The following CTIF variants were observed in gnomAD, a reference collection of about 807,000 sequenced individuals.
CTIF encodes the protein CBP80/20-dependent translation initiation factor.
CTIF carries 21 observed loss-of-function variants against 66.0 expected under a neutral mutation model. The ratio of observed to expected loss-of-function variants is 0.32; its 90% confidence interval spans 0.23 to 0.46. The LOEUF is 0.46. Ranked by LOEUF, CTIF falls within the 20% of genes least tolerant of loss-of-function variation. The pLI, the probability that CTIF is intolerant of heterozygous loss-of-function variation, is 1.00. For missense variants in CTIF, 739 were observed against 812.7 expected, an observed-to-expected ratio of 0.91 and a Z score of 1.10; for synonymous variants, 345 against 326.4, an observed-to-expected ratio of 1.06 and a Z score of -0.62.
chr18:48,774,250 A>G (rs569213521), intron 9 of CTIF, among the ~76,000 whole-genome samples: 3 of 152,298 alleles, frequency 2.0e-5, no homozygotes, highest in Non-Finnish European at 4.4e-5. Context: ...CCCTCTGTCC[A>G]GGAGAGGCGG....
chr18:48,788,427 C>T (rs1055913150), intron 9 of CTIF, among the ~76,000 whole-genome samples: 2 of 152,150 alleles, frequency 1.3e-5, no homozygotes, highest in African/African-American at 2.4e-5. Context: ...GCCTTGGTTT[C>T]CTCACCTGTA....
intron 2 of CTIF, among the ~76,000 whole-genome samples, chr18:48,633,829 C>A (rs1371353447): frequency 6.6e-6 from 1 of 152,110 alleles, no homozygotes; most frequent in African/African-American, 2.4e-5. Flanking sequence ...TTATTTTAGA[C>A]TTATAGCCAA....
intron 3 of CTIF, among the ~76,000 whole-genome samples, chr18:48,646,993 G>T (rs1293608703): frequency 6.7e-6 from 1 of 148,482 alleles, no homozygotes; most frequent in East Asian, 2.0e-4. Context: ...CCAGAGCAAT[G>T]AAAACTTATG....
At chr18:48,644,650 C>T (rs777002618) in intron 3 of CTIF, among the ~76,000 whole-genome samples, 1 of 152,186 alleles carries the variant, frequency 6.6e-6, no homozygotes, top group Non-Finnish European at 1.5e-5. Flanking sequence ...TGGGTGCTTG[C>T]TGTATACATT....
At chr18:48,648,232 C>A (rs1568102801) in intron 3 of CTIF, among the ~76,000 whole-genome samples, 2 of 152,066 alleles carry the variant, frequency 1.3e-5, no homozygotes, top group South Asian at 4.1e-4. Context: ...CTCTCTCTGG[C>A]CTTTGGGTCT....
chr18:48,812,675 G>A (rs567939994), intron 9 of CTIF, among the ~76,000 whole-genome samples: 18 of 151,164 alleles, frequency 1.2e-4, no homozygotes, highest in East Asian at 3.9e-4. Context: ...GATCACTTGA[G>A]CCTAAGAGGT....
At chr18:48,709,483 G>C (rs151059355) in intron 6 of CTIF, among the ~76,000 whole-genome samples, 1 of 152,368 alleles carries the variant, frequency 6.6e-6, no homozygotes, top group Non-Finnish European at 1.5e-5. Flanking sequence ...CACCGAGGAG[G>C]CTGGCACCCC....
At chr18:48,575,315 G>A (rs1223231914) in intron 1 of CTIF, among the ~76,000 whole-genome samples, 3 of 152,234 alleles carry the variant, frequency 2.0e-5, no homozygotes, top group Admixed American at 2.0e-4. Flanking sequence ...ATGGCAACAC[G>A]GCCGAGTAAC....
intron 1 of CTIF, among the ~76,000 whole-genome samples, chr18:48,596,050 A>G (rs1255630604): frequency 1.3e-5 from 2 of 152,148 alleles, no homozygotes; most frequent in Non-Finnish European, 2.9e-5. Context: ...GTCATACTCT[A>G]TTTGTTAGAA....
intron 1 of CTIF, among the ~76,000 whole-genome samples, chr18:48,617,986 G>A (rs888478168): frequency 2.6e-5 from 4 of 152,230 alleles, no homozygotes; most frequent in Admixed American, 1.3e-4. Flanking sequence ...GGAAAGCAGA[G>A]GAAGATGTGT....
Position 48,761,846 on chromosome 18 carries a change from G to A in CTIF, c.1371+157G>A, listed in dbSNP as rs1381553365. On this transcript the variant is annotated intron_variant, in intron 9 of 11. Transcript: ENST00000256413. The surrounding 1 kb of genome is among the most constrained non-coding windows in gnomAD (Gnocchi z 4.2). ...TATAGAAAACACAAAGGCAGTTAAG[G>A]GGCCAGGAATGAGCGGCTGGATTTG... Among the ~76,000 whole-genome samples, 1 of 152,240 alleles carries A rather than the reference G, an allele frequency of 6.6e-6. No homozygotes were observed. The highest frequency in any genetic ancestry group is 1.5e-5 in the Non-Finnish European group (1 of 68,052).
chr18:48,804,158 A>G (rs894405305), intron 9 of CTIF, among the ~76,000 whole-genome samples: 10 of 152,176 alleles, frequency 6.6e-5, no homozygotes, highest in Non-Finnish European at 1.5e-4. Flanking sequence ...ACTTGGGGAA[A>G]GGTTCAAGTC....
At chr18:48,657,062 C>T (rs2091257191) in intron 3 of CTIF, among the ~76,000 whole-genome samples, 1 of 152,196 alleles carries the variant, frequency 6.6e-6, no homozygotes, top group Admixed American at 6.5e-5. Context: ...CCACGGTTCC[C>T]ACCATCGAAA....
At chr18:48,802,957 C>T (rs2068076048) in intron 9 of CTIF, among the ~76,000 whole-genome samples, 1 of 152,248 alleles carries the variant, frequency 6.6e-6, no homozygotes, top group African/African-American at 2.4e-5. Flanking sequence ...CTTTTCAAGG[C>T]CACAGCCACA....
Position 48,855,543 on chromosome 18 carries a change from T to C in CTIF, c.1528-2045T>C, listed in dbSNP as rs185501284. ...CCTGTGACTAGGTGATGCTCTCGAG[T>C]TTGCCAGCAACAGAACCGTCTCTGC... is the stretch of plus-strand genomic sequence containing the variant. On this transcript the variant is annotated intron_variant, in intron 10 of 11. Transcript: ENST00000256413. Among the ~76,000 whole-genome samples, 39 of 152,218 alleles carry C rather than the reference T, an allele frequency of 2.6e-4. No homozygotes were observed. In the East Asian group the frequency reaches 6.4e-3, roughly 25 times the overall value.
chr18:48,733,917 G>A (rs8098784), intron 7 of CTIF, among the ~76,000 whole-genome samples: 6,700 of 152,326 alleles, frequency 0.044, 211 homozygotes, highest in Non-Finnish European at 0.065. Flanking sequence ...CTTTCCAGCC[G>A]GAGAATGCTC....
intron 7 of CTIF, among the ~76,000 whole-genome samples, chr18:48,737,149 T>G (rs2092510394): frequency 6.6e-6 from 1 of 152,114 alleles, no homozygotes; most frequent in African/African-American, 2.4e-5. Flanking sequence ...AGTTGGCTAG[T>G]TCTGTGGCTT....
At chr18:48,774,837 C>G (rs1028421524) in intron 9 of CTIF, among the ~76,000 whole-genome samples, 8 of 152,198 alleles carry the variant, frequency 5.3e-5, no homozygotes, top group African/African-American at 1.9e-4. Context: ...CAGACTCCAG[C>G]TAAAGCTGGT....
At chr18:48,770,515 C>T (rs1048580624) in intron 9 of CTIF, among the ~76,000 whole-genome samples, 7 of 152,238 alleles carry the variant, frequency 4.6e-5, no homozygotes, top group Admixed American at 1.3e-4. Context: ...ACTCCTTTCC[C>T]GTGAAAAGTG....
Sources: allele counts gnomAD v4.1 joint callset (sites outside exome capture counted in the v4.1 genomes callset), GRCh38; gene constraint gnomAD v4.1.1; non-coding constraint Gnocchi (gnomAD v3.1); transcripts MANE v1.5; gene names NCBI Gene and HGNC (gene_info 2026-07-23, HGNC 2026-07-21).